ZFAT: variants seen among roughly 807,000 people sequenced by gnomAD.
ZFAT encodes the protein zinc finger and AT-hook domain containing, also known as zinc finger protein ZFAT.
A neutral mutation model predicts 117.7 loss-of-function variants in ZFAT; 64 were observed. The observed-to-expected ratio is 0.54, with a 90% CI of 0.44 to 0.67. The LOEUF (loss-of-function observed/expected upper bound fraction) is 0.67, where lower values mean the gene tolerates loss of function less well. Among genes scored for constraint, ZFAT ranks in the 30% least tolerant of loss-of-function variants. The pLI is 0.00. For synonymous variants in ZFAT, 679 were observed against 615.0 expected (o/e 1.10, Z -1.54); for missense variants, 1,433 against 1,584.5 (o/e 0.90, Z 1.62).
At chr8:134,580,145 A>T (rs1825618284) in intron 10 of ZFAT, among the ~76,000 whole-genome samples, 1 of 152,084 alleles carries the variant, frequency 6.6e-6, no homozygotes, top group African/African-American at 2.4e-5. Context: ...AAGAGGGTAT[A>T]CCTATCCCAG....
At chr8:134,483,527 C>T (rs577032174) in intron 15 of ZFAT, among the ~76,000 whole-genome samples, 32 of 152,152 alleles carry the variant, frequency 2.1e-4, no homozygotes, top group Non-Finnish European at 3.7e-4. Flanking sequence ...TCACTCTAGT[C>T]GCTTAATCTA....
Position 134,525,089 on chromosome 8 carries a change from C to T in ZFAT, c.3116-4088G>A, listed in dbSNP as rs1405926804. On this transcript the variant is annotated intron_variant, in intron 12 of 15. Transcript: ENST00000377838. ...TAACCCCAGCCTTTGCTATTGTCCA[C>T]TGTGACTTCTCTGCATTATATGGCG... Among the ~76,000 whole-genome samples, 3 of 152,354 alleles carry T rather than the reference C, an allele frequency of 2.0e-5. No homozygotes were observed. The East Asian group carries it at 5.8e-4, about 29-fold the overall frequency.
intron 13 of ZFAT, among the ~76,000 whole-genome samples, chr8:134,517,208 A>C (rs1356955681): frequency 6.6e-6 from 1 of 152,222 alleles, no homozygotes; most frequent in Non-Finnish European, 1.5e-5. Flanking sequence ...TACAGTTAGA[A>C]TAATTTATTT....
rs1404917890 is a variant in ZFAT at position 134,503,154 on chromosome 8, C to T, written c.3492+6465G>A. Among the ~76,000 whole-genome samples the T allele has an allele frequency of 2.6e-5, 4 of 152,228 alleles. No homozygotes were observed. In the East Asian group the frequency reaches 5.8e-4, roughly 22 times the overall value. ...GGCAGTGGCAACAATGGTTTGCTTA[C>T]TCATGGCCAGGAGGATTGAGTGGAG... On this transcript the variant is annotated intron_variant, in intron 15 of 15. Coordinates refer to ENST00000377838, the MANE Select transcript of ZFAT (RefSeq NM_020863.4).
intron 1 of ZFAT, among the ~76,000 whole-genome samples, chr8:134,704,691 G>T (rs1834101822): frequency 6.6e-6 from 1 of 152,160 alleles, no homozygotes; most frequent in Non-Finnish European, 1.5e-5. Flanking sequence ...AGACCAGACA[G>T]TTCAGGAGTG....
At chr8:134,745,285 G>C in the ZFAT span, among the ~76,000 whole-genome samples, 83 of 152,246 alleles carry the variant, frequency 5.5e-4, no homozygotes, top group African/African-American at 1.9e-3. Flanking sequence ...TCCTTAAGAC[G>C]TGCAATGCCA....
At chr8:134,679,758 T>C (rs1288770368) in intron 1 of ZFAT, among the ~76,000 whole-genome samples, 1 of 151,866 alleles carries the variant, frequency 6.6e-6, no homozygotes, top group African/African-American at 2.4e-5. Flanking sequence ...TATGCAGCCA[T>C]AAAAAAAGGA....
intron 2 of ZFAT, among the ~76,000 whole-genome samples, chr8:134,653,270 T>TAAAA (rs374514584): frequency 9.7e-4 from 89 of 91,876 alleles, no homozygotes; most frequent in Middle Eastern, 6.9e-3. Flanking sequence ...ATGTCTTTTT[T>TAAAA]AAAAAAAAAA....
At chr8:134,691,403 A>T (rs1458805094) in intron 1 of ZFAT, among the ~76,000 whole-genome samples, 1 of 152,254 alleles carries the variant, frequency 6.6e-6, no homozygotes, top group Non-Finnish European at 1.5e-5. Flanking sequence ...CTCCACGGAC[A>T]CAGTGTCTCC....
At chr8:134,797,016 TTGAA>T in the ZFAT span, 1 of 152,146 alleles carries the variant, frequency 6.6e-6, no homozygotes, top group South Asian at 2.1e-4. Context: ...AGATTACAGA[TTGAA>T]TGACCATTTA....
intron 1 of ZFAT, among the ~76,000 whole-genome samples, chr8:134,685,118 T>C (rs1312780513): frequency 6.6e-6 from 1 of 151,670 alleles, no homozygotes; most frequent in African/African-American, 2.4e-5. Flanking sequence ...GGACCCTCCC[T>C]GCTGTCCTGT....
chr8:134,668,815 A>G (rs1054288721), intron 1 of ZFAT, among the ~76,000 whole-genome samples: 5 of 152,250 alleles, frequency 3.3e-5, no homozygotes, highest in Admixed American at 6.5e-5. Context: ...AAGCTAAAGG[A>G]GGAAGTTCAA....
At chr8:134,538,773 G>A (rs926157431) in intron 11 of ZFAT, among the ~76,000 whole-genome samples, 3 of 148,416 alleles carry the variant, frequency 2.0e-5, no homozygotes, top group African/African-American at 7.6e-5. Flanking sequence ...TTCCAGCCTG[G>A]GTGACAAAGT....
chr8:134,518,789 A>T (rs952616465), intron 13 of ZFAT, among the ~76,000 whole-genome samples: 1 of 152,146 alleles, frequency 6.6e-6, no homozygotes, highest in Non-Finnish European at 1.5e-5. Flanking sequence ...ATATTTAAAT[A>T]TCTGATCCTT....
At chr8:134,791,434 C>T in the ZFAT span, among the ~76,000 whole-genome samples, 19 of 152,318 alleles carry the variant, frequency 1.2e-4, no homozygotes. Flanking sequence ...CACTATCATC[C>T]ACCTAGGTCA....
the ZFAT span, among the ~76,000 whole-genome samples, chr8:134,731,167 C>G: frequency 3.9e-5 from 6 of 152,186 alleles, no homozygotes; most frequent in African/African-American, 1.2e-4. Flanking sequence ...ATGGTGCAAC[C>G]ACTTTGGAAA....
At chr8:134,762,301 C>A in the ZFAT span, among the ~76,000 whole-genome samples, 2 of 152,184 alleles carry the variant, frequency 1.3e-5, no homozygotes, top group Non-Finnish European at 2.9e-5. Flanking sequence ...CTCTTTAAAA[C>A]AAAATCTCTG....
At chr8:134,481,375 A>G (rs1002959316) in intron 15 of ZFAT, among the ~76,000 whole-genome samples, 2 of 152,216 alleles carry the variant, frequency 1.3e-5, no homozygotes, top group African/African-American at 4.8e-5. Context: ...TAAACAGACC[A>G]CACACAATAC....
chr8:134,692,350 G>A (rs902047006), intron 1 of ZFAT, among the ~76,000 whole-genome samples: 2 of 152,198 alleles, frequency 1.3e-5, no homozygotes, highest in African/African-American at 4.8e-5. Flanking sequence ...CCAAGACAAA[G>A]CACTGGAAGA....
Sources: allele counts gnomAD v4.1 joint callset (sites outside exome capture counted in the v4.1 genomes callset), GRCh38; gene constraint gnomAD v4.1.1; transcripts MANE v1.5; gene names NCBI Gene and HGNC (gene_info 2026-07-23, HGNC 2026-07-21).